The following KCNQ3 variants were observed in gnomAD, a reference collection of about 807,000 sequenced individuals.
The protein encoded by KCNQ3 is potassium voltage-gated channel subfamily KQT member 3.
KCNQ3 carries 30 observed loss-of-function variants against 92.5 expected under a neutral mutation model. The observed-to-expected ratio is 0.32, with a 90% confidence interval of 0.24 to 0.44. The LOEUF (loss-of-function observed/expected upper bound fraction) is 0.44, where lower values mean the gene tolerates loss of function less well. Ranked by LOEUF, KCNQ3 falls within the 20% of genes least tolerant of loss-of-function variation. The pLI is 1.00. For synonymous variants in KCNQ3, 450 were observed against 468.8 expected, an observed-to-expected ratio of 0.96 and a Z score of 0.52; for missense variants, 913 against 1,140.3, an observed-to-expected ratio of 0.80 and a Z score of 2.87.
chr8:132,167,402 C>A (rs890851634), intron 8 of KCNQ3, among the ~76,000 whole-genome samples: 2 of 152,170 alleles, frequency 1.3e-5, no homozygotes, highest in Non-Finnish European at 2.9e-5. Context: ...GAACTGTTCA[C>A]TTTAAAAGGG....
intron 1 of KCNQ3, among the ~76,000 whole-genome samples, chr8:132,308,121 T>C (rs1370808568): frequency 6.6e-6 from 1 of 152,182 alleles, no homozygotes. Flanking sequence ...TGATATCTCC[T>C]ATCTCACGGG....
chr8:132,139,378 C>T (rs565773470), intron 11 of KCNQ3, among the ~76,000 whole-genome samples: 4 of 152,050 alleles, frequency 2.6e-5, no homozygotes, highest in Middle Eastern at 3.4e-3. Flanking sequence ...GGAAAATCCA[C>T]GTCCAAGGCT....
chr8:132,246,081 G>C (rs1815165492), intron 1 of KCNQ3, among the ~76,000 whole-genome samples: 1 of 152,158 alleles, frequency 6.6e-6, no homozygotes, highest in Non-Finnish European at 1.5e-5. Flanking sequence ...TAACCTTGAA[G>C]ATTCGGAGCA....
chr8:132,189,907 A>G (rs80194339), intron 1 of KCNQ3, among the ~76,000 whole-genome samples: 17 of 132,268 alleles, frequency 1.3e-4, no homozygotes, highest in African/African-American at 4.5e-4. Flanking sequence ...AAAAAAAAAA[A>G]AGAGAGAGAG....
At position 132,274,414 on chromosome 8, in the gene KCNQ3, G is replaced by A. The variant is rs141256978; in HGVS notation, c.387-88233C>T. Among the ~76,000 whole-genome samples, 1,003 of 152,256 alleles carry A rather than the reference G, an allele frequency of 6.6e-3. 8 individuals are homozygous for A. Among genetic ancestry groups the A allele is most frequent in the Non-Finnish European group, 0.011 (760 of 68,018 alleles). ...TCCCACTGGGTCCCTCACACGACAC[G>A]TGGGAATTGTGGGAGTTACAATTCA... On this transcript the variant is annotated intron_variant, in intron 1 of 14. Transcript: ENST00000388996.
At chr8:132,455,946 C>T (rs1358786005) in intron 1 of KCNQ3, among the ~76,000 whole-genome samples, 24 of 152,014 alleles carry the variant, frequency 1.6e-4, no homozygotes, top group Admixed American at 6.5e-5. Flanking sequence ...GGGGTTTCAC[C>T]GTGTTAGCCA....
intron 1 of KCNQ3, among the ~76,000 whole-genome samples, chr8:132,302,625 T>C (rs1253712897): frequency 1.3e-5 from 2 of 152,212 alleles, no homozygotes; most frequent in Admixed American, 6.5e-5. Flanking sequence ...TTTGAGTTCC[T>C]TCTCCTGAAA....
rs1826418153 is a variant in KCNQ3 at position 132,172,712 on chromosome 8, A to AGGCC, written c.1045-20_1045-19insGGCC. The stretch of plus-strand genomic sequence containing the variant: ...GGATGCCCTGGAGGGAGAGGCAGGC[A>AGGCC]GGCAGTCAGCCCCCAGCTAGACTGT... On this transcript the variant is annotated intron_variant, in intron 6 of 14. Transcript: ENST00000388996. 6.3e-7 allele frequency: 1 copy of AGGCC among 1,587,088 alleles called. No individual in the cohort carries two copies. The highest frequency in any genetic ancestry group is 1.7e-5 in the Admixed American group (1 of 59,980).
chr8:132,129,044 T>C lies in KCNQ3; in HGVS notation c.*218A>G. On this transcript the variant is annotated 3_prime_UTR_variant, in exon 15 of 15. Transcript: ENST00000388996. This position sits in a 1 kb window ranked among gnomAD's most constrained non-coding sequence, Gnocchi z 5.9. ...GAGATTAGCGGAACCATTTATATAGTGTAAAGTCATGCAAACCATGCTGAA... is the reference window on the plus strand; with the variant it reads ...GAGATTAGCGGAACCATTTATATAGCGTAAAGTCATGCAAACCATGCTGAA... 1.7e-6 allele frequency: 1 copy of C among 599,976 alleles called. No individual in the cohort carries two copies. The highest frequency in any genetic ancestry group is 2.0e-5 in the South Asian group (1 of 50,184). The allele number at this position is 599,976 out of a possible 1,614,324, so 37.2% of individuals were successfully genotyped here. A position where few individuals can be genotyped will look rare whatever the true frequency, so the allele number is the denominator to read the frequency against.
chr8:132,374,529 A>T (rs147396754), intron 1 of KCNQ3, among the ~76,000 whole-genome samples: 1 of 152,252 alleles, frequency 6.6e-6, no homozygotes, highest in African/African-American at 2.4e-5. Flanking sequence ...GTTTTCAAAA[A>T]ACTTTTATTT....
intron 1 of KCNQ3, among the ~76,000 whole-genome samples, chr8:132,219,406 G>A (rs1814145282): frequency 1.3e-5 from 2 of 152,010 alleles, no homozygotes; most frequent in Admixed American, 1.3e-4. Flanking sequence ...CTTTGATGAA[G>A]GTCCAGCTAA....
intron 1 of KCNQ3, among the ~76,000 whole-genome samples, chr8:132,292,116 T>C (rs1222404912): frequency 2.6e-5 from 4 of 152,230 alleles, no homozygotes; most frequent in African/African-American, 9.6e-5. Flanking sequence ...GACCTATTAC[T>C]ACTTGAAGTG....
chr8:132,370,705 C>A (rs534550372), intron 1 of KCNQ3, among the ~76,000 whole-genome samples: 3 of 152,106 alleles, frequency 2.0e-5, no homozygotes, highest in African/African-American at 4.8e-5. Flanking sequence ...GAGCCCATAG[C>A]GAGGAATGCC....
intron 1 of KCNQ3, among the ~76,000 whole-genome samples, chr8:132,222,928 G>C (rs1356659266): frequency 6.6e-6 from 1 of 152,186 alleles, no homozygotes; most frequent in Non-Finnish European, 1.5e-5. Flanking sequence ...TGCCAGCTTG[G>C]ATGTGACAAA....
At chr8:132,212,027 G>A (rs1219319179) in intron 1 of KCNQ3, among the ~76,000 whole-genome samples, 1 of 151,634 alleles carries the variant, frequency 6.6e-6, no homozygotes, top group Non-Finnish European at 1.5e-5. Context: ...TGGTAGAGCT[G>A]GCCTTCACCT....
At position 132,252,164 on chromosome 8, in the gene KCNQ3, G is replaced by A. The variant is rs570612580; in HGVS notation, c.387-65983C>T. On this transcript the variant is annotated intron_variant, in intron 1 of 14. Coordinates refer to ENST00000388996, the MANE Select transcript of KCNQ3 (RefSeq NM_004519.4). ...ACTCTTATTGGACAGGCCTGTGTCC[G>A]GAATTGGTTCCTTCTGGTCGGTTCT... is the stretch of plus-strand genomic sequence containing the variant. Among the ~76,000 whole-genome samples, 24 of 152,230 alleles carry A rather than the reference G, an allele frequency of 1.6e-4. No individual in the cohort carries two copies. The South Asian group carries it at 2.5e-3, about 16-fold the overall frequency.
intron 1 of KCNQ3, among the ~76,000 whole-genome samples, chr8:132,390,038 C>T (rs959596819): frequency 6.6e-6 from 1 of 152,132 alleles, no homozygotes; most frequent in African/African-American, 2.4e-5. Context: ...CCATCGACTG[C>T]CATTGGTAGT....
At chr8:132,404,887 G>A (rs897689869) in intron 1 of KCNQ3, among the ~76,000 whole-genome samples, 7 of 152,150 alleles carry the variant, frequency 4.6e-5, no homozygotes, top group African/African-American at 1.7e-4. Context: ...ATTTTTCAGT[G>A]TGGGTGACTT....
At chr8:132,141,060 G>T in intron 10 of KCNQ3, 69 bp downstream of exon 10, 2 of 1,411,248 alleles carry the variant, frequency 1.4e-6, no homozygotes, top group Non-Finnish European at 2.0e-6. Context: ...AAAGGGAGAG[G>T]TGAGGAAGGA....
Sources: allele counts gnomAD v4.1 joint callset (sites outside exome capture counted in the v4.1 genomes callset), GRCh38; gene constraint gnomAD v4.1.1; non-coding constraint Gnocchi (gnomAD v3.1); transcripts MANE v1.5; gene names NCBI Gene and HGNC (gene_info 2026-07-23, HGNC 2026-07-21).